The following TMEM116 variants were observed in gnomAD, a reference collection of about 807,000 sequenced individuals.
The protein encoded by TMEM116 is transmembrane protein 116.
A neutral mutation model predicts 44.3 loss-of-function variants in TMEM116; 38 were observed. That is an observed-to-expected ratio of 0.86 (90% confidence interval 0.66 to 1.12). The LOEUF is 1.12. Ranked by LOEUF, TMEM116 falls within the 50% of genes most tolerant of loss-of-function variation. The pLI is 0.00. For synonymous variants in TMEM116, 132 were observed against 144.8 expected (o/e 0.91, Z 0.64); for missense variants, 354 against 401.7 (o/e 0.88, Z 1.01).
At chr12:111,971,989 T>C (rs866458449) in intron 4 of TMEM116, among the ~76,000 whole-genome samples, 15 of 150,918 alleles carry the variant, frequency 9.9e-5, no homozygotes, top group Non-Finnish European at 1.3e-4. Context: ...GGTTGGAGGA[T>C]TGCTTGAGCC....
intron 1 of TMEM116, chr12:112,011,397 T>A (rs961991057): frequency 3.3e-5 from 5 of 152,268 alleles, no homozygotes; most frequent in African/African-American, 1.2e-4. Context: ...ATCAAACTGG[T>A]TGTCCATGAT....
At chr12:112,008,357 T>C (rs930767785) in intron 1 of TMEM116, among the ~76,000 whole-genome samples, 2 of 152,104 alleles carry the variant, frequency 1.3e-5, no homozygotes, top group African/African-American at 4.8e-5. Flanking sequence ...GGCGGGCGCC[T>C]GTAATCCCAG....
chr12:112,003,934 TGG>T, intron 2 of TMEM116, 71 bp from the exon 3 acceptor site: 1 of 1,422,280 alleles, frequency 7.0e-7, no homozygotes, highest in East Asian at 2.9e-5. Flanking sequence ...TTATTAATTT[TGG>T]GTTTTTTTTA....
intron 1 of TMEM116, among the ~76,000 whole-genome samples, chr12:112,009,134 T>C (rs1326985428): frequency 6.6e-6 from 1 of 152,202 alleles, no homozygotes; most frequent in Non-Finnish European, 1.5e-5. Flanking sequence ...GATTAATGGA[T>C]GTTTCTGTCT....
In TMEM116 at chr12:112,003,084, T is replaced by C. The variant is rs7309724; in HGVS notation, c.78+716A>G. Among the ~76,000 whole-genome samples the C allele has an allele frequency of 1.4e-3, 215 of 152,284 alleles. 2 individuals are homozygous for C. The highest frequency in any genetic ancestry group is 4.7e-3 in the African/African-American group (196 of 41,564). ...TGCCTAGAAGGCCAGAGAAGCAAAATAAGTATGTTTCATATAGCAAAGTTT... is the reference window on the plus strand; with the variant it reads ...TGCCTAGAAGGCCAGAGAAGCAAAACAAGTATGTTTCATATAGCAAAGTTT... On this transcript the variant is annotated intron_variant, in intron 3 of 10. Transcript: ENST00000552374.
chr12:111,998,497 A>AT (rs1315465068), intron 3 of TMEM116, among the ~76,000 whole-genome samples: 8 of 152,210 alleles, frequency 5.3e-5, no homozygotes, highest in Admixed American at 4.6e-4. Flanking sequence ...TTTGTGAGCA[A>AT]TAACATTCTG....
intron 3 of TMEM116, among the ~76,000 whole-genome samples, chr12:111,997,216 G>A (rs750131364): frequency 1.1e-4 from 16 of 152,032 alleles, no homozygotes; most frequent in East Asian, 3.8e-4. Flanking sequence ...ATGCATTCTA[G>A]TTCATGTCTG....
At chr12:111,965,689 C>A in intron 4 of TMEM116, 1 of 393,216 alleles carries the variant, frequency 2.5e-6, no homozygotes, top group Non-Finnish European at 5.0e-6. Flanking sequence ...CTTTGGGAGG[C>A]CCAAGCGGTG....
At chr12:112,011,735 T>A (rs1051191581) in intron 1 of TMEM116, 4 of 152,286 alleles carry the variant, frequency 2.6e-5, no homozygotes, top group African/African-American at 7.2e-5. Flanking sequence ...GTCTTCTCTG[T>A]TGCCCAGACT....
intron 4 of TMEM116, among the ~76,000 whole-genome samples, chr12:111,945,053 C>A (rs1163533449): frequency 1.6e-5 from 2 of 128,462 alleles, no homozygotes; most frequent in Non-Finnish European, 3.1e-5. Flanking sequence ...CCAGCCTGGA[C>A]GACAGAGTGA....
At chr12:111,941,680 A>C (rs759703035) in intron 5 of TMEM116, among the ~76,000 whole-genome samples, 2 of 152,192 alleles carry the variant, frequency 1.3e-5, no homozygotes, top group Non-Finnish European at 2.9e-5. Context: ...GATACTGCTT[A>C]AGGGCCTCTT....
chr12:111,995,072 G>C (rs1565956856), intron 3 of TMEM116, among the ~76,000 whole-genome samples: 1 of 152,122 alleles, frequency 6.6e-6, no homozygotes, highest in Non-Finnish European at 1.5e-5. Context: ...CGCACTGTTG[G>C]CTCATTCTGG....
chr12:111,931,708 T>C lies in TMEM116; in HGVS notation c.927A>G (p.Leu309=), dbSNP rs201605168. The part of the protein sequence containing the change: ...RRDADTQTPL[L]CSQKRFYSRG... ...TGCTATAGAATCTCTTCTGTGAGCA[T>C]AATAATGGTGTCTGGGTATCTGCAT... The change falls in exon 11 of 11, where the codon TTA becomes TTG. Residue 309 remains leucine (L), a synonymous_variant. Coordinates refer to ENST00000552374, the MANE Select transcript of TMEM116 (RefSeq NM_001193531.2). 1 of 1,613,998 alleles carries C rather than the reference T, an allele frequency of 6.2e-7. No homozygotes were observed. The highest frequency in any genetic ancestry group is 8.5e-7 in the Non-Finnish European group (1 of 1,179,994).
intron 1 of TMEM116, among the ~76,000 whole-genome samples, chr12:112,009,451 A>G (rs1395069684): frequency 1.3e-5 from 2 of 151,994 alleles, no homozygotes; most frequent in Admixed American, 6.6e-5. Flanking sequence ...TTGATCCCAA[A>G]TAAGATTCTA....
intron 6 of TMEM116, among the ~76,000 whole-genome samples, 161 bp from the exon 7 acceptor site, chr12:111,937,404 A>T (rs1255116816): frequency 6.6e-6 from 1 of 152,218 alleles, no homozygotes; most frequent in African/African-American, 2.4e-5. Flanking sequence ...TACCTTAGGT[A>T]TTCCTTCTTT....
At chr12:111,954,480 G>A (rs1039116133) in intron 4 of TMEM116, among the ~76,000 whole-genome samples, 5 of 152,106 alleles carry the variant, frequency 3.3e-5, no homozygotes, top group African/African-American at 1.2e-4. Flanking sequence ...TACTAATCAA[G>A]GGCACTTTAC....
intron 3 of TMEM116, among the ~76,000 whole-genome samples, chr12:111,999,110 C>A (rs537899945): frequency 2.0e-5 from 3 of 152,012 alleles, no homozygotes; most frequent in Admixed American, 2.0e-4. Flanking sequence ...AAGAAAAATA[C>A]AACCAGCCTA....
At chr12:112,008,380 C>G (rs1390513333) in intron 1 of TMEM116, among the ~76,000 whole-genome samples, 1 of 151,812 alleles carries the variant, frequency 6.6e-6, no homozygotes, top group Non-Finnish European at 1.5e-5. Flanking sequence ...ACTCGGGAGG[C>G]TGAGACAGAG....
At chr12:111,970,128 T>C (rs910774022) in intron 4 of TMEM116, among the ~76,000 whole-genome samples, 16 of 151,612 alleles carry the variant, frequency 1.1e-4, no homozygotes, top group African/African-American at 3.9e-4. Context: ...TAGCTGGGCT[T>C]GTAATCCTAG....
Sources: allele counts gnomAD v4.1 joint callset (sites outside exome capture counted in the v4.1 genomes callset), GRCh38; gene constraint gnomAD v4.1.1; transcripts MANE v1.5; gene names NCBI Gene and HGNC (gene_info 2026-07-23, HGNC 2026-07-21).